KANK1: variants seen among roughly 807,000 people sequenced by gnomAD.
KANK1 encodes KN motif and ankyrin repeat domain-containing protein 1.
Under a neutral mutation model 106.2 loss-of-function variants are expected in KANK1, and 109 were observed. The ratio of observed to expected loss-of-function variants is 1.03; its 90% CI spans 0.88 to 1.20. The LOEUF is 1.20. KANK1 is among the 50% of genes most tolerant of loss of function. The pLI is 0.00. For missense variants in KANK1, 2,399 were observed against 1,710.7 expected, an observed-to-expected ratio of 1.40 and a Z score of -7.10; for synonymous variants, 873 against 652.2, an observed-to-expected ratio of 1.34 and a Z score of -5.16.
At chr9:531,064 A>T (rs890003582) in intron 1 of KANK1, among the ~76,000 whole-genome samples, 2 of 152,234 alleles carry the variant, frequency 1.3e-5, no homozygotes, top group African/African-American at 4.8e-5. Flanking sequence ...TAAAGGTCAG[A>T]GTTTTCTAAC....
At chr9:657,526 C>T (rs1438692085) in intron 1 of KANK1, among the ~76,000 whole-genome samples, 1 of 152,124 alleles carries the variant, frequency 6.6e-6, no homozygotes, top group South Asian at 2.1e-4. Context: ...AGTTTCTCTA[C>T]ATGCTACCGA....
At chr9:599,636 C>CA (rs1827211703) in intron 1 of KANK1, among the ~76,000 whole-genome samples, 1 of 151,866 alleles carries the variant, frequency 6.6e-6, no homozygotes, top group Non-Finnish European at 1.5e-5. Context: ...CCTTGAACAT[C>CA]ATGGGTCCAC....
chr9:498,634 A>G (rs1156967046), intron 3 of KANK1, among the ~76,000 whole-genome samples: 1 of 152,258 alleles, frequency 6.6e-6, no homozygotes, highest in East Asian at 1.9e-4. Flanking sequence ...AAAGATGTGA[A>G]TGGACATTTC....
At chr9:623,705 A>G (rs1439914949) in intron 1 of KANK1, among the ~76,000 whole-genome samples, 1 of 152,200 alleles carries the variant, frequency 6.6e-6, no homozygotes, top group Non-Finnish European at 1.5e-5. Flanking sequence ...ATTATCTCAC[A>G]TTTGTTAGGA....
chr9:566,879 G>T (rs1410368596), intron 1 of KANK1, among the ~76,000 whole-genome samples: 2 of 151,988 alleles, frequency 1.3e-5, no homozygotes, highest in Non-Finnish European at 2.9e-5. Context: ...GTCAATTTTT[G>T]CTTTTGTTGG....
At chr9:668,922 G>C (rs935104299) in intron 1 of KANK1, among the ~76,000 whole-genome samples, 2 of 152,090 alleles carry the variant, frequency 1.3e-5, no homozygotes, top group Middle Eastern at 3.2e-3. Flanking sequence ...ACTCTTATGA[G>C]AATCTATGCT....
Position 695,780 on chromosome 9 carries a change from A to C in KANK1, c.38-15024A>C, listed in dbSNP as rs1008593505. Reference sequence around the variant, plus strand: ...TGATGCAGGTACTATTATTTTCTCAAACAATTGGAATATAGTCTAATTTGC... The same window carrying C: ...TGATGCAGGTACTATTATTTTCTCACACAATTGGAATATAGTCTAATTTGC... On this transcript the variant is annotated intron_variant, in intron 2 of 11. Transcript: ENST00000382297. 4.6e-5 allele frequency among the ~76,000 whole-genome samples: 7 copies of C among 152,128 alleles called. No individual in the cohort carries two copies. In the East Asian group the frequency reaches 1.2e-3, roughly 25 times the overall value.
At chr9:640,065 T>A (rs990414917) in intron 1 of KANK1, among the ~76,000 whole-genome samples, 1 of 152,118 alleles carries the variant, frequency 6.6e-6, no homozygotes, top group African/African-American at 2.4e-5. Flanking sequence ...CTCTCAGACC[T>A]CGTTGTACTC....
intron 8 of KANK1, among the ~76,000 whole-genome samples, chr9:738,801 C>T (rs1456903759): frequency 6.6e-6 from 1 of 152,202 alleles, no homozygotes; most frequent in Middle Eastern, 3.2e-3. Context: ...AAGCATGTCT[C>T]ACGTTCCCTC....
intron 1 of KANK1, among the ~76,000 whole-genome samples, chr9:670,204 A>G (rs748825657): frequency 2.6e-5 from 4 of 152,102 alleles, no homozygotes; most frequent in Non-Finnish European, 4.4e-5. Flanking sequence ...CTCATGAATC[A>G]CCATCTCATT....
chr9:494,043 C>T (rs148025194), intron 3 of KANK1, among the ~76,000 whole-genome samples: 2 of 151,848 alleles, frequency 1.3e-5, no homozygotes, highest in Non-Finnish European at 2.9e-5. Context: ...CCGCCATGCC[C>T]CACTAATTTT....
chr9:675,910 C>A (rs1224835158), intron 1 of KANK1, among the ~76,000 whole-genome samples: 1 of 152,110 alleles, frequency 6.6e-6, no homozygotes, highest in Admixed American at 6.5e-5. Flanking sequence ...GTGGGTAGTT[C>A]CTGGAAGTGA....
chr9:738,550 GTTGTGACTCATCT>G, intron 8 of KANK1, 46 bp downstream of exon 8: 1 of 1,472,124 alleles, frequency 6.8e-7, no homozygotes. Context: ...CAGTACTTGG[GTTGTGACTCATCT>G]CAGAGAACCT....
chr9:711,853 A>C lies in KANK1; in HGVS notation c.1087A>C (p.Arg363=), dbSNP rs554882426. 6.2e-7 allele frequency: 1 copy of C among 1,614,174 alleles called. No homozygotes were observed. The highest frequency in any genetic ancestry group is 8.5e-7 in the Non-Finnish European group (1 of 1,180,040). The change falls in exon 3 of 12, where the codon AGG becomes CGG. Residue 363 remains arginine (R), a synonymous_variant. Transcript: ENST00000382297. ...GGAGACCGTAGAACAGAGCACGCAG[A>C]GGATAAAGGAGTTCCGGCAACTTAC... The part of the protein sequence containing the change: ...EMETVEQSTQ[R]IKEFRQLTAD...
In KANK1 at chr9:649,348, G is replaced by A. The variant is rs192262309; in HGVS notation, c.-83-27542G>A. On this transcript the variant is annotated intron_variant, in intron 1 of 11. Coordinates refer to ENST00000382297, the MANE Select transcript of KANK1 (RefSeq NM_015158.5). ...TTAACATTTTAACACCCTCGAAAGC[G>A]TCCCAATTTGGACCTCACCTTATCT... Among the ~76,000 whole-genome samples, 132 of 152,164 alleles carry A rather than the reference G, an allele frequency of 8.7e-4. 1 individual carries two copies. The highest frequency in any genetic ancestry group is 3.4e-3 in the Middle Eastern group (1 of 292).
chr9:641,228 C>T (rs1008205913), intron 1 of KANK1, among the ~76,000 whole-genome samples: 6 of 152,256 alleles, frequency 3.9e-5, no homozygotes, highest in African/African-American at 4.8e-5. Context: ...ATAATTAATG[C>T]AATCAGATAT....
chr9:717,725 G>A (rs533015283), intron 3 of KANK1, among the ~76,000 whole-genome samples: 5 of 152,172 alleles, frequency 3.3e-5, no homozygotes, highest in Admixed American at 6.5e-5. Context: ...GATTGTTTTC[G>A]TTTGAGGCAT....
chr9:628,343 T>G (rs1051299905), intron 1 of KANK1, among the ~76,000 whole-genome samples: 20 of 152,224 alleles, frequency 1.3e-4, no homozygotes, highest in Non-Finnish European at 7.3e-5. Context: ...CTGTCTTGCC[T>G]TCTTCCTAAC....
chr9:582,171 G>A (rs1822332189), intron 1 of KANK1, among the ~76,000 whole-genome samples: 2 of 152,154 alleles, frequency 1.3e-5, no homozygotes, highest in Non-Finnish European at 1.5e-5. Flanking sequence ...AGTTCCCCAC[G>A]TAGAGGTGGC....
Sources: gnomAD v4.1 joint callset for allele counts (sites outside exome capture counted in the v4.1 genomes callset) on GRCh38, gnomAD v4.1.1 for gene constraint, MANE v1.5 for transcripts, NCBI Gene and HGNC (gene_info 2026-07-23, HGNC 2026-07-21) for gene names.